ANKRD2: variants seen among roughly 807,000 people sequenced by gnomAD.
The protein encoded by ANKRD2 is ankyrin repeat domain 2, also known as ankyrin repeat domain-containing protein 2.
ANKRD2 carries 35 observed loss-of-function variants against 37.3 expected under a neutral mutation model. That is an observed-to-expected ratio of 0.94 (90% CI 0.72 to 1.24). The LOEUF is 1.24. Ranked by LOEUF, ANKRD2 falls within the 50% of genes most tolerant of loss-of-function variation. The pLI is 0.00. For synonymous variants in ANKRD2, 159 were observed against 186.5 expected (o/e 0.85, Z 1.20); for missense variants, 410 against 445.6 (o/e 0.92, Z 0.72).
At position 97,578,256 on chromosome 10, in the gene ANKRD2, G is replaced by C; in HGVS notation, c.206G>C (p.Arg69Pro). The C allele has an allele frequency of 6.2e-7, 1 of 1,612,542 alleles. No homozygotes were observed. The highest frequency in any genetic ancestry group is 8.5e-7 in the Non-Finnish European group (1 of 1,179,802). ...CCCGCGCAGGGCCAAGAGCGCGTGC[G>C]CAAGACGTCCCTGGACCTGCGGCGG... is the stretch of plus-strand genomic sequence containing the variant. ...LQKVKGQERV[R>P]KTSLDLRREI... The change falls in exon 3 of 9, where the codon CGC (arginine) becomes CCC (proline). Residue 69 changes from arginine (R) to proline (P), a missense_variant. By Grantham distance (103) the Arg-to-Pro change is moderately radical (BLOSUM62 -2). Coordinates refer to ENST00000370655, the MANE Select transcript of ANKRD2 (RefSeq NM_001346793.2).
chr10:97,578,189 C>A (rs372228332), intron 2 of ANKRD2, 51 bp from the exon 3 acceptor site: 7 of 1,454,962 alleles, frequency 4.8e-6, no homozygotes, highest in Non-Finnish European at 6.5e-6. Context: ...GTCTCCCAAG[C>A]CCCCCAAACT....
In ANKRD2 at chr10:97,578,043, C is replaced by T. The variant is rs547940515; in HGVS notation, c.189+142C>T. On this transcript the variant is annotated intron_variant, in intron 2 of 8. Transcript: ENST00000370655. ...TGCTAGCCCTGCAGAATCTCCGCCC[C>T]GTCCCAGAACTACTGAGTCAGAATT... is the stretch of plus-strand genomic sequence containing the variant. 75 of 1,067,840 alleles carry T rather than the reference C, an allele frequency of 7.0e-5. 2 individuals carry two copies. In the South Asian group the frequency reaches 1.1e-3, roughly 15 times the overall value. The allele number at this position is 1,067,840 out of a possible 1,614,324, so 66.1% of individuals were successfully genotyped here.
rs780214039 is a variant in ANKRD2, at chr10:97,583,624, C to T, written c.901C>T (p.Arg301Trp). The T allele has an allele frequency of 4.5e-5, 72 of 1,606,038 alleles. No homozygotes were observed. Among genetic ancestry groups the T allele is most frequent in the East Asian group, 6.8e-5 (3 of 44,440 alleles). ...GGTGCAGCTCTGGCAGGCTGATACC[C>T]GGCACGCCCTGGAGCATCCTGAGCC... ...DLVQLWQADT[R>W]HALEHPEPGA... The change falls in exon 9 of 9, where the codon CGG (arginine) becomes TGG (tryptophan). Residue 301 changes from arginine (R) to tryptophan (W), a missense_variant. Physicochemically the swap from Arg to Trp is moderately radical, Grantham distance 101. Coordinates refer to ENST00000370655, the MANE Select transcript of ANKRD2 (RefSeq NM_001346793.2).
Position 97,582,607 on chromosome 10 carries a change from G to A in ANKRD2, c.757G>A (p.Gly253Arg). 6.2e-7 allele frequency: 1 copy of A among 1,614,042 alleles called. No individual in the cohort carries two copies. The highest frequency in any genetic ancestry group is 8.5e-7 in the Non-Finnish European group (1 of 1,179,958). The change falls in exon 8 of 9, where the codon GGG becomes AGG. Residue 253 changes from glycine (G) to arginine (R), a missense_variant. By Grantham distance (125) the Gly-to-Arg change is moderately radical (BLOSUM62 -2). Transcript: ENST00000370655. ...GTGAGTGCCACACTGACTCTAGGAA[G>A]GGGATACTGCCCTGCATGACGCTGT... is the stretch of plus-strand genomic sequence containing the variant. Reference protein sequence around the residue: ...GLEINARDREGDTALHDAVRL... With the variant: ...GLEINARDRERDTALHDAVRL...
intron 5 of ANKRD2, 58 bp downstream of exon 5, chr10:97,581,011 C>T: frequency 6.9e-7 from 1 of 1,453,616 alleles, no homozygotes. Flanking sequence ...CACTGACAGA[C>T]ACCCTCTCCC....
intron 6 of ANKRD2, among the ~76,000 whole-genome samples, 197 bp from the exon 7 acceptor site, chr10:97,582,118 G>A (rs1263401905): frequency 6.6e-6 from 1 of 152,200 alleles, no homozygotes; most frequent in Non-Finnish European, 1.5e-5. Flanking sequence ...CCCAGAGGAA[G>A]TGGCATTTAA....
At position 97,574,309 on chromosome 10, in the gene ANKRD2, G is replaced by C. The variant is rs953210232; in HGVS notation, c.87+1434G>C. Among the ~76,000 whole-genome samples the C allele has an allele frequency of 2.0e-5, 3 of 151,780 alleles. No individual in the cohort carries two copies. In the South Asian group the frequency reaches 6.2e-4, roughly 31 times the overall value. On this transcript the variant is annotated intron_variant, in intron 1 of 8. Coordinates refer to ENST00000370655, the MANE Select transcript of ANKRD2 (RefSeq NM_001346793.2). ...AAAAAAAAAAAAAGGGGACTCCTCT[G>C]TGGACAGGAGGATACCTGAGCTGGG...
upstream of ANKRD2, chr10:97,572,768 C>T: frequency 6.2e-7 from 1 of 1,601,090 alleles, no homozygotes; most frequent in South Asian, 1.1e-5. Flanking sequence ...CCCCGAGGCC[C>T]TGTGGCCTGC....
chr10:97,572,580 C>CT (rs1391314115), upstream of ANKRD2: 24 of 1,205,514 alleles, frequency 2.0e-5, no homozygotes, highest in Non-Finnish European at 2.7e-5. Context: ...CCCTCCGGCT[C>CT]TAATAGGCCA....
At position 97,578,318 on chromosome 10, in the gene ANKRD2, G is replaced by A. The variant is rs373751289; in HGVS notation, c.268G>A (p.Glu90Lys). 6.8e-6 allele frequency: 11 copies of A among 1,613,318 alleles called. No individual in the cohort carries two copies. The highest frequency in any genetic ancestry group is 8.5e-6 in the Non-Finnish European group (10 of 1,179,958). Residue 90 changes from glutamate (E) to lysine (K), a missense_variant, in exon 3 of 9, where the codon GAG becomes AAG. By Grantham distance (56) the Glu-to-Lys change is moderately conservative (BLOSUM62 1). Coordinates refer to ENST00000370655, the MANE Select transcript of ANKRD2 (RefSeq NM_001346793.2). ...TGTGGGCGGGATCCAGAACCTCATC[G>A]AGCTGCGGAAGAAACGCAAGCAGAA... ...IDVGGIQNLI[E>K]LRKKRKQKKR...
At chr10:97,572,628 G>C, upstream of ANKRD2, 2 of 1,489,644 alleles carry the variant, frequency 1.3e-6, no homozygotes, top group African/African-American at 2.8e-5. Flanking sequence ...CCCTGGCCCT[G>C]GCTCCCCCTG....
chr10:97,578,433 G>T, intron 3 of ANKRD2, 35 bp downstream of exon 3: 1 of 1,611,486 alleles, frequency 6.2e-7, no homozygotes, highest in Non-Finnish European at 8.5e-7. Flanking sequence ...CGAGGGGGCG[G>T]AGGGGGAGCC....
Position 97,583,770 on chromosome 10 carries a change from C to T in ANKRD2, c.*45C>T, listed in dbSNP as rs771808048. 2.7e-6 allele frequency: 4 copies of T among 1,465,256 alleles called. No homozygotes were observed. In the South Asian group the frequency reaches 4.4e-5, roughly 16 times the overall value. The allele number at this position is 1,465,256 out of a possible 1,614,324, so 90.8% of individuals were successfully genotyped here. ...CAGCTACCCAGCCCCTCTCTGTGTG[C>T]AGCCGGAGGGTCCTAAGAATGGCTC... is the stretch of plus-strand genomic sequence containing the variant. On this transcript the variant is annotated 3_prime_UTR_variant, in exon 9 of 9. Coordinates refer to ENST00000370655, the MANE Select transcript of ANKRD2 (RefSeq NM_001346793.2).
intron 1 of ANKRD2, among the ~76,000 whole-genome samples, chr10:97,574,691 CTGAA>C (rs2040801922): frequency 6.6e-6 from 1 of 152,028 alleles, no homozygotes; most frequent in South Asian, 2.1e-4. Context: ...AGGAGTGTGA[CTGAA>C]TGAGGGGTGA....
At chr10:97,578,444 C>T (rs1444073165) in intron 3 of ANKRD2, 46 bp downstream of exon 3, 7 of 1,606,806 alleles carry the variant, frequency 4.4e-6, no homozygotes, top group Non-Finnish European at 5.9e-6. Flanking sequence ...AGGGGGAGCC[C>T]GGGAGGCTTC....
intron 2 of ANKRD2, 135 bp from the exon 3 acceptor site, chr10:97,578,105 G>C: frequency 8.2e-7 from 1 of 1,212,844 alleles, no homozygotes; most frequent in Non-Finnish European, 1.1e-6. Flanking sequence ...TGGAAGGAGG[G>C]ATAGACCTTG....
chr10:97,583,649 CG>C lies in ANKRD2; in HGVS notation c.931del (p.Ala311LeufsTer44). 1 of 1,605,936 alleles carries C rather than the reference CG, an allele frequency of 6.2e-7. No individual in the cohort carries two copies. The highest frequency in any genetic ancestry group is 1.3e-5 in the African/African-American group (1 of 74,666). ...DTRHALEHPE[P>X]GAEHNGLEGP... ...CGGCACGCCCTGGAGCATCCTGAGCCGGGGGCTGAGCATAACGGGCTGGAGG... is the reference window on the plus strand; with the variant it reads ...CGGCACGCCCTGGAGCATCCTGAGCCGGGGCTGAGCATAACGGGCTGGAGG... On this transcript the variant is annotated frameshift_variant, in exon 9 of 9. Transcript: ENST00000370655. LOFTEE classifies it high-confidence loss of function.
In ANKRD2 at chr10:97,580,916, T is replaced by G. The variant is rs758399798; in HGVS notation, c.518T>G (p.Leu173Arg). Residue 173 changes from leucine to arginine, a missense_variant, in exon 5 of 9, where the codon CTT becomes CGT. Coordinates refer to ENST00000370655, the MANE Select transcript of ANKRD2 (RefSeq NM_001346793.2). ...LEGHMEILEK[L>R]LDNGATVDFQ... The stretch of plus-strand genomic sequence containing the variant: ...GGCCACATGGAAATCCTGGAGAAGC[T>G]TCTAGATAATGGGGCCACTGTGGAC... 1 of 1,607,120 alleles carries G rather than the reference T, an allele frequency of 6.2e-7. No homozygotes were observed. The highest frequency in any genetic ancestry group is 8.5e-7 in the Non-Finnish European group (1 of 1,177,020).
At chr10:97,574,237 C>T (rs751940913) in intron 1 of ANKRD2, among the ~76,000 whole-genome samples, 31 of 149,616 alleles carry the variant, frequency 2.1e-4, no homozygotes, top group Non-Finnish European at 4.3e-4. Flanking sequence ...AAGCCGAGAT[C>T]GCACCACTGC....
Sources: gnomAD v4.1 joint callset for allele counts (sites outside exome capture counted in the v4.1 genomes callset) on GRCh38, gnomAD v4.1.1 for gene constraint, MANE v1.5 for transcripts, NCBI Gene and HGNC (gene_info 2026-07-23, HGNC 2026-07-21) for gene names.